The following EIF3H variants were observed in gnomAD, a reference collection of about 807,000 sequenced individuals.
EIF3H encodes the protein eukaryotic translation initiation factor 3 subunit H.
In EIF3H, 26 loss-of-function variants were observed where a neutral mutation model predicts 44.2. That is an observed-to-expected ratio of 0.59 (90% CI 0.43 to 0.82). EIF3H has a LOEUF of 0.82. Among genes scored for constraint, EIF3H ranks in the 40% least tolerant of loss-of-function variants. The pLI, the probability that EIF3H is intolerant of heterozygous loss-of-function variation, is 0.00. For missense variants in EIF3H, 359 were observed against 432.8 expected, an observed-to-expected ratio of 0.83 and a Z score of 1.51; for synonymous variants, 166 against 151.9, an observed-to-expected ratio of 1.09 and a Z score of -0.68.
At chr8:116,723,511 C>G (rs1814786951) in intron 2 of EIF3H, among the ~76,000 whole-genome samples, 1 of 152,068 alleles carries the variant, frequency 6.6e-6, no homozygotes, top group Admixed American at 6.5e-5. Context: ...AAAAGTAGCC[C>G]TGGTTAGTTT....
chr8:116,765,865 C>A (rs766167979), exon 1 of EIF3H: 1 of 152,152 alleles, frequency 6.6e-6, no homozygotes, highest in African/African-American at 2.4e-5. Context: ...ACACTCCATG[C>A]GAGTGATTTA....
intron 1 of EIF3H, among the ~76,000 whole-genome samples, chr8:116,744,838 C>T (rs750903865): frequency 6.6e-6 from 1 of 152,166 alleles, no homozygotes; most frequent in Non-Finnish European, 1.5e-5. Flanking sequence ...CTATGGTAGA[C>T]TTGATGAAGT....
At chr8:116,733,010 C>T (rs931615106) in intron 1 of EIF3H, among the ~76,000 whole-genome samples, 11 of 152,166 alleles carry the variant, frequency 7.2e-5, no homozygotes, top group Non-Finnish European at 1.5e-5. Context: ...ACTTCAGATG[C>T]CAATCCCAAA....
At chr8:116,750,361 G>A (rs1815309353) in intron 1 of EIF3H, among the ~76,000 whole-genome samples, 1 of 151,380 alleles carries the variant, frequency 6.6e-6, no homozygotes, top group African/African-American at 2.4e-5. Context: ...CATGCTTACT[G>A]CTTTGAATAA....
chr8:116,711,914 T>C (rs531764848), intron 2 of EIF3H, among the ~76,000 whole-genome samples: 2 of 152,134 alleles, frequency 1.3e-5, no homozygotes, highest in Admixed American at 6.5e-5. Context: ...TCAAAAAATA[T>C]GTGTAGCAGA....
rs188542789 is a variant in EIF3H, at chr8:116,677,597, G to A, written c.290-18617C>T. Among the ~76,000 whole-genome samples the A allele has an allele frequency of 4.5e-3, 686 of 152,302 alleles. 8 individuals are homozygous for A. The highest frequency in any genetic ancestry group is 0.016 in the African/African-American group (645 of 41,558). Reference sequence around the variant, plus strand: ...AAAAATGCTGGCACTAACAATAATAGCTTCCATTTACTGAGCACCTATTAC... The same window carrying A: ...AAAAATGCTGGCACTAACAATAATAACTTCCATTTACTGAGCACCTATTAC... On this transcript the variant is annotated intron_variant, in intron 2 of 7. Coordinates refer to ENST00000521861, the MANE Select transcript of EIF3H (RefSeq NM_003756.3).
chr8:116,650,112 T>C (rs1333451401), intron 5 of EIF3H, among the ~76,000 whole-genome samples: 1 of 152,174 alleles, frequency 6.6e-6, no homozygotes, highest in African/African-American at 2.4e-5. Flanking sequence ...GCAATGTGAA[T>C]GATATCCTGG....
intron 1 of EIF3H, among the ~76,000 whole-genome samples, chr8:116,735,716 C>T (rs1815023872): frequency 6.6e-6 from 1 of 151,650 alleles, no homozygotes; most frequent in Non-Finnish European, 1.5e-5. Flanking sequence ...TGTGGATCAT[C>T]GTGGGGAATC....
At chr8:116,715,087 T>G (rs1375410791) in intron 2 of EIF3H, among the ~76,000 whole-genome samples, 3 of 152,068 alleles carry the variant, frequency 2.0e-5, no homozygotes, top group African/African-American at 7.2e-5. Flanking sequence ...TACAAACTTA[T>G]TCTCTCCAAC....
intron 2 of EIF3H, among the ~76,000 whole-genome samples, chr8:116,721,932 T>C (rs1814753348): frequency 6.6e-6 from 1 of 152,230 alleles, no homozygotes; most frequent in Non-Finnish European, 1.5e-5. Flanking sequence ...GATGAGACTT[T>C]TGACTGTGGA....
intron 2 of EIF3H, among the ~76,000 whole-genome samples, chr8:116,705,450 A>T (rs1396531711): frequency 2.0e-5 from 3 of 151,532 alleles, no homozygotes; most frequent in African/African-American, 7.3e-5. Context: ...CAAGTGACCA[A>T]GGTTAGCATC....
chr8:116,700,993 T>C (rs1402619219), intron 2 of EIF3H, among the ~76,000 whole-genome samples: 3 of 152,202 alleles, frequency 2.0e-5, no homozygotes, highest in African/African-American at 7.2e-5. Context: ...TAAATTACTT[T>C]ATTCTAATCA....
rs1464046795 is a variant in EIF3H, at chr8:116,669,008, C to T, written c.290-10028G>A. 2.6e-5 allele frequency among the ~76,000 whole-genome samples: 4 copies of T among 151,882 alleles called. 1 individual carries two copies. Among genetic ancestry groups the T allele is most frequent in the African/African-American group, 4.8e-5 (2 of 41,390 alleles). On this transcript the variant is annotated intron_variant, in intron 2 of 7. Transcript: ENST00000521861. The stretch of plus-strand genomic sequence containing the variant: ...CCTTTTCTCATCTCCATATTGGCGA[C>T]GGGGGAAATCAGGAAAATGGGGAGG...
intron 5 of EIF3H, among the ~76,000 whole-genome samples, chr8:116,653,348 A>AACACACACACAC (rs771922316): frequency 0.43 from 62,665 of 144,462 alleles, 14,763 homozygotes; most frequent in Non-Finnish European, 0.53. Flanking sequence ...AACAATCAGA[A>AACACACACACAC]ACACACACAC....
intron 6 of EIF3H, among the ~76,000 whole-genome samples, chr8:116,647,870 T>C (rs1813329897): frequency 6.6e-6 from 1 of 152,130 alleles, no homozygotes; most frequent in Non-Finnish European, 1.5e-5. Flanking sequence ...CCAGCTGAGA[T>C]GACTTTTTTC....
intron 1 of EIF3H, among the ~76,000 whole-genome samples, chr8:116,763,526 C>T: frequency 6.6e-6 from 1 of 151,974 alleles, no homozygotes; most frequent in East Asian, 1.9e-4. Context: ...TTTGTAACAC[C>T]TTCTGACATA....
intron 1 of EIF3H, among the ~76,000 whole-genome samples, chr8:116,743,500 T>C (rs1344748458): frequency 6.6e-6 from 1 of 150,794 alleles, no homozygotes; most frequent in African/African-American, 2.4e-5. Flanking sequence ...TCCCAGTACT[T>C]TGGGAGGCTG....
At chr8:116,750,815 A>G (rs1408834815) in intron 1 of EIF3H, among the ~76,000 whole-genome samples, 1 of 152,206 alleles carries the variant, frequency 6.6e-6, no homozygotes, top group Non-Finnish European at 1.5e-5. Context: ...CATAAATGCA[A>G]GAAACAAGGA....
At chr8:116,705,103 T>G (rs1563647776) in intron 2 of EIF3H, among the ~76,000 whole-genome samples, 1 of 152,236 alleles carries the variant, frequency 6.6e-6, no homozygotes, top group Non-Finnish European at 1.5e-5. Context: ...CTTCAACATC[T>G]AATTCATACT....
Sources: gnomAD v4.1 joint callset for allele counts (sites outside exome capture counted in the v4.1 genomes callset) on GRCh38, gnomAD v4.1.1 for gene constraint, MANE v1.5 for transcripts, NCBI Gene and HGNC (gene_info 2026-07-23, HGNC 2026-07-21) for gene names.